Variants in GPR89B observed in about 807,000 individuals in gnomAD.
GPR89B encodes golgi pH regulator B.
A neutral mutation model predicts 52.4 loss-of-function variants in GPR89B; 25 were observed. That is an observed-to-expected ratio of 0.48 (90% confidence interval 0.35 to 0.67). The LOEUF (loss-of-function observed/expected upper bound fraction) is 0.67, where lower values mean the gene tolerates loss of function less well. Among genes scored for constraint, GPR89B ranks in the 30% least tolerant of loss-of-function variants. The pLI, the probability that GPR89B is intolerant of heterozygous loss-of-function variation, is 0.01. For missense variants in GPR89B, 146 were observed against 450.2 expected, an observed-to-expected ratio of 0.32 and a Z score of 6.11; for synonymous variants, 52 against 151.2, an observed-to-expected ratio of 0.34 and a Z score of 4.81.
chr1:147,986,393 T>G, intron 11 of GPR89B, 99 bp downstream of exon 11: 2 of 1,490,934 alleles, frequency 1.3e-6, no homozygotes, highest in East Asian at 2.3e-5. Context: ...AGGTACTTGC[T>G]TCTGCTTTTG....
intron 1 of GPR89B, among the ~76,000 whole-genome samples, chr1:147,932,228 T>C (rs1553247161): frequency 6.6e-6 from 1 of 152,122 alleles, no homozygotes; most frequent in East Asian, 1.9e-4. Context: ...TAAATATTTA[T>C]AATAGCCAAA....
At chr1:147,944,505 CTT>C (rs1260685631) in intron 5 of GPR89B, among the ~76,000 whole-genome samples, 3 of 116,684 alleles carry the variant, frequency 2.6e-5, no homozygotes, top group Non-Finnish European at 5.2e-5. Flanking sequence ...TATCAATAAA[CTT>C]TTATCAGATT....
chr1:147,948,618 A>G (rs1313542566), intron 5 of GPR89B, among the ~76,000 whole-genome samples: 1 of 152,138 alleles, frequency 6.6e-6, no homozygotes, highest in African/African-American at 2.4e-5. Context: ...GAGATCACCT[A>G]AGCAAAAAAT....
intron 1 of GPR89B, among the ~76,000 whole-genome samples, chr1:147,935,802 A>G (rs1553247766): frequency 6.6e-6 from 1 of 151,966 alleles, no homozygotes; most frequent in Non-Finnish European, 1.5e-5. Context: ...TGGTGCAATC[A>G]TGGCTCACTG....
chr1:147,930,139 T>C (rs1486771186), intron 1 of GPR89B, among the ~76,000 whole-genome samples: 1 of 152,262 alleles, frequency 6.6e-6, no homozygotes, highest in African/African-American at 2.4e-5. Flanking sequence ...GTATGCCTTA[T>C]AATCATAGAC....
chr1:147,953,012 T>G (rs1159901359), intron 5 of GPR89B, among the ~76,000 whole-genome samples: 3 of 148,112 alleles, frequency 2.0e-5, no homozygotes, highest in Admixed American at 1.3e-4. Context: ...TTTTTTTTTT[T>G]GGCCGATGCT....
At chr1:147,947,490 C>T (rs1571244219) in intron 5 of GPR89B, among the ~76,000 whole-genome samples, 1 of 151,874 alleles carries the variant, frequency 6.6e-6, no homozygotes, top group East Asian at 1.9e-4. Flanking sequence ...TCTGTGTGAG[C>T]AGGTGGCAAA....
intron 12 of GPR89B, among the ~76,000 whole-genome samples, chr1:147,991,509 G>T (rs1473019119): frequency 6.6e-6 from 1 of 152,136 alleles, no homozygotes; most frequent in African/African-American, 2.4e-5. Flanking sequence ...GTGAGAGAGG[G>T]CATCCCTGTC....
chr1:148,015,787 A>G, the GPR89B span, among the ~76,000 whole-genome samples: 1 of 149,246 alleles, frequency 6.7e-6, no homozygotes, highest in African/African-American at 2.5e-5. Flanking sequence ...GTATTTCTAT[A>G]GGATAGAGGT....
chr1:147,935,259 TA>T (rs1478897877), intron 1 of GPR89B, among the ~76,000 whole-genome samples: 4 of 151,910 alleles, frequency 2.6e-5, no homozygotes, highest in Non-Finnish European at 5.9e-5. Context: ...AATATGGATC[TA>T]AAGAACCAAA....
At chr1:147,980,332 A>G (rs1571307948) in intron 10 of GPR89B, among the ~76,000 whole-genome samples, 1 of 122,300 alleles carries the variant, frequency 8.2e-6, no homozygotes, top group Admixed American at 9.4e-5. Flanking sequence ...TTGCAGGAAG[A>G]TTTTTTTAAA....
chr1:148,013,218 C>T, the GPR89B span, among the ~76,000 whole-genome samples: 1 of 152,062 alleles, frequency 6.6e-6, no homozygotes, highest in Non-Finnish European at 1.5e-5. Context: ...AGAAGAGCCA[C>T]AGTAGAAGAG....
the GPR89B span, among the ~76,000 whole-genome samples, chr1:148,001,923 C>T: frequency 1.3e-5 from 2 of 151,958 alleles, no homozygotes; most frequent in Admixed American, 6.5e-5. Flanking sequence ...AACTTTGGAC[C>T]TTAAGAAACC....
At chr1:147,958,516 G>A (rs1475042811) in intron 7 of GPR89B, among the ~76,000 whole-genome samples, 1 of 57,638 alleles carries the variant, frequency 1.7e-5, no homozygotes, top group Admixed American at 2.4e-4. Context: ...GTGCATGCCT[G>A]TAATCCCAGC....
chr1:147,999,161 A>G, the GPR89B span, among the ~76,000 whole-genome samples: 1 of 151,082 alleles, frequency 6.6e-6, no homozygotes, highest in African/African-American at 2.4e-5. Flanking sequence ...CCCCTTTACA[A>G]CAAACAGCTG....
the GPR89B span, among the ~76,000 whole-genome samples, chr1:148,014,186 C>A: frequency 9.9e-5 from 15 of 151,474 alleles, no homozygotes; most frequent in East Asian, 2.1e-3. Flanking sequence ...CCAAGAGCCG[C>A]CGTTGCAGGC....
At chr1:148,009,590 A>G in the GPR89B span, 2 of 1,443,592 alleles carry the variant, frequency 1.4e-6, no homozygotes, top group South Asian at 2.5e-5. Flanking sequence ...CCAGATCCAC[A>G]ACCTAGGAGG....
intron 5 of GPR89B, among the ~76,000 whole-genome samples, chr1:147,950,620 C>T (rs1553250886): frequency 3.3e-5 from 5 of 152,172 alleles, no homozygotes; most frequent in Non-Finnish European, 5.9e-5. Flanking sequence ...GAGATCACGC[C>T]GCTGCACTCC....
the GPR89B span, among the ~76,000 whole-genome samples, chr1:148,013,826 G>A: frequency 6.6e-6 from 1 of 152,042 alleles, no homozygotes; most frequent in Non-Finnish European, 1.5e-5. Flanking sequence ...TCTTTCCCAC[G>A]GGCTGGGGGC....
Sources: gnomAD v4.1 joint callset for allele counts (sites outside exome capture counted in the v4.1 genomes callset) on GRCh38, gnomAD v4.1.1 for gene constraint, MANE v1.5 for transcripts, NCBI Gene and HGNC (gene_info 2026-07-23, HGNC 2026-07-21) for gene names.